Variants in FBXO11 observed in about 807,000 individuals in gnomAD.
FBXO11 encodes the protein F-box only protein 11.
Under a neutral mutation model 117.0 loss-of-function variants are expected in FBXO11, and 13 were observed. That is an observed-to-expected ratio of 0.11 (90% CI 0.07 to 0.18). The LOEUF (loss-of-function observed/expected upper bound fraction) is 0.18. Among genes scored for constraint, FBXO11 ranks in the 10% least tolerant of loss-of-function variants. The pLI is 1.00. For missense variants in FBXO11, 767 were observed against 1,164.4 expected (o/e 0.66, Z 4.97); for synonymous variants, 490 against 380.5 (o/e 1.29, Z -3.35).
chr2:47,820,515 AT>A, intron 13 of FBXO11, 59 bp from the exon 14 acceptor site: 1 of 1,305,144 alleles, frequency 7.7e-7, no homozygotes, highest in Non-Finnish European at 1.1e-6. Flanking sequence ...TACAGTAAGG[AT>A]TTTACATTAG....
intron 16 of FBXO11, among the ~76,000 whole-genome samples, chr2:47,814,639 A>G (rs1489286057): frequency 2.0e-5 from 3 of 152,098 alleles, no homozygotes; most frequent in African/African-American, 7.2e-5. Flanking sequence ...TCAGTCTCCC[A>G]AAGTGCTGGG....
chr2:47,811,743 C>A (rs931673650), intron 18 of FBXO11: 1 of 152,152 alleles, frequency 6.6e-6, no homozygotes, highest in Non-Finnish European at 1.5e-5. Flanking sequence ...TACTTTCAAC[C>A]CCCATATTAA....
Position 47,825,250 on chromosome 2 carries a change from A to G in FBXO11, c.1399-1890T>C, listed in dbSNP as rs993906254. ...ATAAAGAACAAATTATCTATAACTT[A>G]TATCTCTATATTTGGATTATAACCT... is the stretch of plus-strand genomic sequence containing the variant. On this transcript the variant is annotated intron_variant, in intron 11 of 22. Coordinates refer to ENST00000403359, the MANE Select transcript of FBXO11 (RefSeq NM_001190274.2). Among the ~76,000 whole-genome samples the G allele has an allele frequency of 3.3e-5, 5 of 152,182 alleles. No individual in the cohort carries two copies. In the East Asian group the frequency reaches 7.7e-4, roughly 23 times the overall value.
At chr2:47,875,700 G>C (rs1273790169) in intron 1 of FBXO11, among the ~76,000 whole-genome samples, 1 of 151,798 alleles carries the variant, frequency 6.6e-6, no homozygotes, top group Non-Finnish European at 1.5e-5. Flanking sequence ...TTTGTTCTTT[G>C]GTAGATCTCT....
chr2:47,846,944 C>A (rs915997763), intron 1 of FBXO11, among the ~76,000 whole-genome samples: 4 of 152,096 alleles, frequency 2.6e-5, no homozygotes, highest in African/African-American at 9.7e-5. Context: ...CACTTAAAGA[C>A]AAGAATACGT....
intron 1 of FBXO11, among the ~76,000 whole-genome samples, chr2:47,841,066 CG>C (rs1672976192): frequency 6.6e-6 from 1 of 151,804 alleles, no homozygotes; most frequent in African/African-American, 2.4e-5. Flanking sequence ...GGTGTGGTAG[CG>C]GGCGCCCGTA....
chr2:47,824,568 T>C (rs1303899927), intron 11 of FBXO11, among the ~76,000 whole-genome samples: 2 of 152,216 alleles, frequency 1.3e-5, no homozygotes, highest in Admixed American at 1.3e-4. Flanking sequence ...AGCCCATTAA[T>C]AGAGAACTGG....
chr2:47,883,089 A>G (rs1676556277), intron 1 of FBXO11, among the ~76,000 whole-genome samples: 1 of 152,208 alleles, frequency 6.6e-6, no homozygotes, highest in Non-Finnish European at 1.5e-5. Flanking sequence ...GCTTTACTCA[A>G]GTCTAAAAAA....
Position 47,905,801 on chromosome 2 carries a change from T to TGGGGAGAGTGGGAGAGG in FBXO11, c.-98_-82dup, listed in dbSNP as rs1558493748. 2.1e-6 allele frequency: 1 copy of TGGGGAGAGTGGGAGAGG among 484,030 alleles called. No homozygotes were observed. The highest frequency in any genetic ancestry group is 6.4e-5 in the African/African-American group (1 of 15,734). 30.0% of individuals were successfully genotyped at this position (484,030 alleles called of 1,614,324 possible). ...CGAGCTTCGGGGCAGGAGAAAGGGG[T>TGGGGAGAGTGGGAGAGG]GGGGAGAGTGGGAGAGGGGGGAGGA... On this transcript the variant is annotated 5_prime_UTR_variant, in exon 1 of 23. Transcript: ENST00000403359.
intron 11 of FBXO11, among the ~76,000 whole-genome samples, chr2:47,829,175 G>A (rs1030367204): frequency 2.0e-5 from 3 of 151,742 alleles, no homozygotes; most frequent in East Asian, 1.9e-4. Context: ...GATTACAGGC[G>A]TGACCCACTG....
intron 16 of FBXO11, among the ~76,000 whole-genome samples, chr2:47,814,747 T>C (rs1401489894): frequency 6.6e-6 from 1 of 152,208 alleles, no homozygotes; most frequent in Admixed American, 6.5e-5. Context: ...TCACGGAAGA[T>C]TTCTCTGTAG....
At chr2:47,861,962 G>C (rs1465976040) in intron 1 of FBXO11, among the ~76,000 whole-genome samples, 2 of 151,796 alleles carry the variant, frequency 1.3e-5, no homozygotes, top group South Asian at 4.2e-4. Context: ...GCCCAGGCTG[G>C]AGTGCAGTGG....
chr2:47,856,532 G>C (rs1051506922), intron 1 of FBXO11, among the ~76,000 whole-genome samples: 2 of 152,140 alleles, frequency 1.3e-5, no homozygotes, highest in African/African-American at 4.8e-5. Flanking sequence ...AGGAAACTTG[G>C]AAAAACTTGA....
intron 11 of FBXO11, among the ~76,000 whole-genome samples, chr2:47,823,896 G>C (rs1211097551): frequency 2.0e-5 from 3 of 151,564 alleles, no homozygotes; most frequent in East Asian, 1.9e-4. Context: ...GTCCAGGCTG[G>C]AGTACAGGGG....
intron 1 of FBXO11, among the ~76,000 whole-genome samples, chr2:47,896,268 A>C (rs1347274443): frequency 6.6e-6 from 1 of 151,200 alleles, no homozygotes; most frequent in East Asian, 1.9e-4. Flanking sequence ...CTCCCCCAAT[A>C]CTTTATTTGC....
At chr2:47,854,440 A>C (rs1482701949) in intron 1 of FBXO11, among the ~76,000 whole-genome samples, 1 of 152,070 alleles carries the variant, frequency 6.6e-6, no homozygotes, top group Admixed American at 6.6e-5. Context: ...TAAAAAGTCA[A>C]GTCAAATATG....
At chr2:47,829,401 C>T (rs765397979) in intron 11 of FBXO11, among the ~76,000 whole-genome samples, 59 of 151,786 alleles carry the variant, frequency 3.9e-4, no homozygotes, top group Non-Finnish European at 6.3e-4. Context: ...CCAACACACC[C>T]GGCTAATTTA....
At chr2:47,841,693 T>C (rs926321809) in intron 1 of FBXO11, among the ~76,000 whole-genome samples, 1 of 152,134 alleles carries the variant, frequency 6.6e-6, no homozygotes, top group African/African-American at 2.4e-5. Flanking sequence ...CAGGCTGGAG[T>C]GCAGTGGCGT....
intron 1 of FBXO11, among the ~76,000 whole-genome samples, chr2:47,858,286 A>G (rs1674469761): frequency 6.6e-6 from 1 of 151,946 alleles, no homozygotes; most frequent in Non-Finnish European, 1.5e-5. Context: ...CTGGGATTAC[A>G]GGCGTGAGCC....
Sources: allele counts gnomAD v4.1 joint callset (sites outside exome capture counted in the v4.1 genomes callset), GRCh38; gene constraint gnomAD v4.1.1; transcripts MANE v1.5; gene names NCBI Gene and HGNC (gene_info 2026-07-23, HGNC 2026-07-21).